Variants in SYT13 observed in about 807,000 individuals in gnomAD.
SYT13 encodes the protein synaptotagmin-13.
SYT13 carries 21 observed loss-of-function variants against 38.6 expected under a neutral mutation model. The ratio of observed to expected loss-of-function variants is 0.54; its 90% CI spans 0.39 to 0.78. The LOEUF (loss-of-function observed/expected upper bound fraction) is 0.78, where lower values mean the gene tolerates loss of function less well. Among genes scored for constraint, SYT13 ranks in the 30% least tolerant of loss-of-function variants. The pLI is 0.00. For missense variants in SYT13, 495 were observed against 548.7 expected (o/e 0.90, Z 0.98); for synonymous variants, 241 against 237.6 (o/e 1.01, Z -0.13).
chr11:45,260,830 C>A (rs912855521), intron 1 of SYT13, among the ~76,000 whole-genome samples: 4 of 152,182 alleles, frequency 2.6e-5, no homozygotes, highest in Non-Finnish European at 4.4e-5. Flanking sequence ...TTGCTCCCCC[C>A]ACTGTGTCCA....
chr11:45,269,014 CAG>C (rs1388471735), intron 1 of SYT13, among the ~76,000 whole-genome samples: 3 of 152,046 alleles, frequency 2.0e-5, no homozygotes, highest in African/African-American at 7.3e-5. Flanking sequence ...AAACACCAGG[CAG>C]AGTCTGTAGA....
chr11:45,246,651 G>T (rs1004287870), intron 4 of SYT13, 139 bp from the exon 5 acceptor site: 6 of 1,260,184 alleles, frequency 4.8e-6, no homozygotes, highest in Admixed American at 2.6e-5. Context: ...CAATGCTGGG[G>T]TGTCCACCCT....
Position 45,286,300 on chromosome 11 carries a change from C to T in SYT13, c.-93G>A. 1 of 1,380,856 alleles carries T rather than the reference C, an allele frequency of 7.2e-7. No individual in the cohort carries two copies. The highest frequency in any genetic ancestry group is 1.5e-5 in the African/African-American group (1 of 66,160). The allele number at this position is 1,380,856 out of a possible 1,614,324, so 85.5% of individuals were successfully genotyped here. On this transcript the variant is annotated 5_prime_UTR_variant, in exon 1 of 6. Coordinates refer to ENST00000020926, the MANE Select transcript of SYT13 (RefSeq NM_020826.3). ...AGGCAGCTCCCGGGATCCGGGCGAG[C>T]CAGCAGCTCTCCCGCCGCCAGAGGG... is the stretch of plus-strand genomic sequence containing the variant.
intron 1 of SYT13, among the ~76,000 whole-genome samples, chr11:45,278,226 C>T (rs1223436888): frequency 6.6e-6 from 1 of 152,114 alleles, no homozygotes; most frequent in Non-Finnish European, 1.5e-5. Context: ...AGCAGATTTT[C>T]CCTTTGTTTC....
Position 45,246,458 on chromosome 11 carries a change from C to T in SYT13, c.901G>A (p.Ala301Thr). The change falls in exon 5 of 6, where the codon GCC becomes ACC. Residue 301 changes from alanine to threonine, a missense_variant. By Grantham distance (58) the Ala-to-Thr change is moderately conservative. Coordinates refer to ENST00000020926, the MANE Select transcript of SYT13 (RefSeq NM_020826.3). ...ATCAGCACCACCAGGAGGCGGTTGG[C>T]AGCCGGGAGGTAGCTGATGGATAGT... ...VLLSISYLPA[A>T]NRLLVVLIKA... The T allele has an allele frequency of 6.2e-7, 1 of 1,614,172 alleles. No homozygotes were observed. Among genetic ancestry groups the T allele is most frequent in the South Asian group, 1.1e-5 (1 of 91,080 alleles).
chr11:45,281,183 A>C (rs910896947), intron 1 of SYT13, among the ~76,000 whole-genome samples: 4 of 148,848 alleles, frequency 2.7e-5, no homozygotes, highest in Admixed American at 2.7e-4. Flanking sequence ...ATGACAGAGC[A>C]AGACTCTGTC....
intron 5 of SYT13, 128 bp from the exon 6 acceptor site, chr11:45,244,484 G>A (rs911708275): frequency 1.6e-5 from 18 of 1,136,738 alleles, no homozygotes; most frequent in Non-Finnish European, 2.1e-5. Context: ...GGACATCTGT[G>A]CCCCATATAC....
At chr11:45,268,540 G>A (rs1478412757) in intron 1 of SYT13, among the ~76,000 whole-genome samples, 1 of 152,122 alleles carries the variant, frequency 6.6e-6, no homozygotes, top group Non-Finnish European at 1.5e-5. Context: ...TTACCCATTC[G>A]GTTTCATTTA....
At position 45,241,979 on chromosome 11, in the gene SYT13, T is replaced by C. The variant is rs1854557133; in HGVS notation, c.*2073A>G. On this transcript the variant is annotated 3_prime_UTR_variant, in exon 6 of 6. Transcript: ENST00000020926. ...TTTTTTCTGTTTTTTCAGAGGATGG[T>C]TAGAAGTTATTTCTAATGCTTTTCT... The C allele has an allele frequency of 6.6e-6, 1 of 152,148 alleles. No individual in the cohort carries two copies. 9.4% of individuals were successfully genotyped at this position (152,148 alleles called of 1,614,324 possible). A position where few individuals can be genotyped will look rare whatever the true frequency, so the allele number is the denominator to read the frequency against.
Position 45,251,418 on chromosome 11 carries a change from C to T in SYT13, c.846+1003G>A, listed in dbSNP as rs1854673635. Among the ~76,000 whole-genome samples the T allele has an allele frequency of 4.8e-5, 7 of 146,102 alleles. No homozygotes were observed. The South Asian group carries it at 1.5e-3, about 32-fold the overall frequency. Reference sequence around the variant, plus strand: ...AAAAAAAAAAAAAAAAAATAGTGCCCTAATCAGTATTTTGCTTTTTGCTTT... The same window carrying T: ...AAAAAAAAAAAAAAAAAATAGTGCCTTAATCAGTATTTTGCTTTTTGCTTT... On this transcript the variant is annotated intron_variant, in intron 4 of 5. Transcript: ENST00000020926.
intron 2 of SYT13, 132 bp downstream of exon 2, chr11:45,255,534 C>T (rs1854733502): frequency 2.5e-6 from 2 of 796,022 alleles, no homozygotes; most frequent in Admixed American, 2.6e-5. Context: ...GGCCCAGTGC[C>T]CATCTGCTTG....
At position 45,255,817 on chromosome 11, in the gene SYT13, C is replaced by T; in HGVS notation, c.258G>A (p.Arg86=). The change falls in exon 2 of 6, where the codon AGG becomes AGA. Residue 86 remains arginine, a synonymous_variant. Transcript: ENST00000020926. ...LLKFPDIYGP[R]PAVTAPEVIN... ...TGACCTCTGGAGCCGTCACAGCTGG[C>T]CTGGGTCCATAGATGTCTGGGAACT... 6.2e-7 allele frequency: 1 copy of T among 1,614,184 alleles called. No individual in the cohort carries two copies. Among genetic ancestry groups the T allele is most frequent in the African/African-American group, 1.3e-5 (1 of 75,042 alleles).
intron 1 of SYT13, among the ~76,000 whole-genome samples, chr11:45,282,541 A>G (rs1347358193): frequency 6.6e-6 from 1 of 152,244 alleles, no homozygotes; most frequent in Non-Finnish European, 1.5e-5. Context: ...TTCTTTATTA[A>G]TTCATTAAAT....
chr11:45,252,656 C>G lies in SYT13; in HGVS notation c.611G>C (p.Gly204Ala), dbSNP rs1311932172. ...TAGGGCTGTCTGAGCCTCCACAGAG[C>G]CGGTCCTATTGGCCACACTCCCTTG... is the stretch of plus-strand genomic sequence containing the variant. ...YVQGSVANRT[G>A]SVEAQTALKK... is the part of the protein sequence containing the mutation. The change falls in exon 4 of 6, where the codon GGC becomes GCC. Residue 204 changes from glycine (G) to alanine (A), a missense_variant. Coordinates refer to ENST00000020926, the MANE Select transcript of SYT13 (RefSeq NM_020826.3). The surrounding 1 kb of genome is among the most constrained non-coding windows in gnomAD (Gnocchi z 4.3). 1 of 1,612,242 alleles carries G rather than the reference C, an allele frequency of 6.2e-7. No individual in the cohort carries two copies. Among genetic ancestry groups the G allele is most frequent in the East Asian group, 2.2e-5 (1 of 44,814 alleles).
At chr11:45,283,320 G>A (rs957575840) in intron 1 of SYT13, among the ~76,000 whole-genome samples, 2 of 152,110 alleles carry the variant, frequency 1.3e-5, no homozygotes, top group African/African-American at 4.8e-5. Flanking sequence ...TGGCTATTAG[G>A]CCTTGGACAC....
chr11:45,251,250 G>A (rs58099811), intron 4 of SYT13, among the ~76,000 whole-genome samples: 4,535 of 151,690 alleles, frequency 0.03, 245 homozygotes, highest in African/African-American at 0.1. Context: ...TTAGCTGGGC[G>A]TGGTGGCGTG....
chr11:45,256,867 T>G (rs1854754135), intron 1 of SYT13, among the ~76,000 whole-genome samples: 1 of 152,210 alleles, frequency 6.6e-6, no homozygotes, highest in African/African-American at 2.4e-5. Context: ...AGGAGAGACA[T>G]GTATGACTTG....
chr11:45,269,339 AC>A (rs1180305996), intron 1 of SYT13: 5 of 812,490 alleles, frequency 6.2e-6, no homozygotes, highest in East Asian at 1.7e-4. Context: ...AAACAAAAAA[AC>A]AAAACAAACA....
At chr11:45,283,271 A>AT (rs534866295) in intron 1 of SYT13, among the ~76,000 whole-genome samples, 7 of 152,070 alleles carry the variant, frequency 4.6e-5, no homozygotes, top group Non-Finnish European at 1.0e-4. Flanking sequence ...AACCCAAAGA[A>AT]TTTTTTCAGC....
Sources: gnomAD v4.1 joint callset for allele counts (sites outside exome capture counted in the v4.1 genomes callset) on GRCh38, gnomAD v4.1.1 for gene constraint, Gnocchi (gnomAD v3.1) non-coding constraint, MANE v1.5 for transcripts, NCBI Gene and HGNC (gene_info 2026-07-23, HGNC 2026-07-21) for gene names.